The following SNX8 variants were observed in gnomAD, a reference collection of about 807,000 sequenced individuals.
The protein encoded by SNX8 is sorting nexin 8, also known as sorting nexin-8.
In SNX8, 25 loss-of-function variants were observed where a neutral mutation model predicts 51.6. That is an observed-to-expected ratio of 0.48 (90% CI 0.35 to 0.68). SNX8 has a LOEUF of 0.68. Among genes scored for constraint, SNX8 ranks in the 30% least tolerant of loss-of-function variants. The pLI, the probability that SNX8 is intolerant of heterozygous loss-of-function variation, is 0.00. For synonymous variants in SNX8, 324 were observed against 277.0 expected, an observed-to-expected ratio of 1.17 and a Z score of -1.68; for missense variants, 695 against 624.0, an observed-to-expected ratio of 1.11 and a Z score of -1.21.
At chr7:2,335,284 T>G (rs1209071244) in intron 1 of SNX8, among the ~76,000 whole-genome samples, 1 of 152,114 alleles carries the variant, frequency 6.6e-6, no homozygotes, top group Non-Finnish European at 1.5e-5. Context: ...TGTTCTATGC[T>G]CATACAATGG....
intron 1 of SNX8, among the ~76,000 whole-genome samples, chr7:2,288,691 C>T (rs573928042): frequency 1.6e-4 from 24 of 152,248 alleles, no homozygotes; most frequent in Non-Finnish European, 2.5e-4. Flanking sequence ...CAAGAGTAAC[C>T]ACTGACTTCT....
At chr7:2,306,303 T>A (rs1055147772) in intron 1 of SNX8, among the ~76,000 whole-genome samples, 1 of 149,672 alleles carries the variant, frequency 6.7e-6, no homozygotes, top group Admixed American at 6.6e-5. Context: ...AATTTTTGTA[T>A]TTTTTTTTAG....
intron 6 of SNX8, 43 bp downstream of exon 6, chr7:2,264,255 G>A (rs201020413): frequency 6.4e-6 from 10 of 1,573,228 alleles, no homozygotes; most frequent in South Asian, 5.6e-5. Flanking sequence ...ATGGATTCCC[G>A]TCCCACCGCG....
intron 1 of SNX8, among the ~76,000 whole-genome samples, chr7:2,349,465 G>C (rs1327116705): frequency 6.7e-6 from 1 of 148,412 alleles, no homozygotes. Context: ...TTTTGAGACA[G>C]TTTATCACTC....
chr7:2,285,562 G>C (rs1340304465), intron 1 of SNX8, among the ~76,000 whole-genome samples: 2 of 152,164 alleles, frequency 1.3e-5, no homozygotes, highest in Non-Finnish European at 2.9e-5. Context: ...TGGAGAAATA[G>C]AGATGCTTCT....
intron 1 of SNX8, chr7:2,307,680 G>C: frequency 6.9e-6 from 1 of 144,464 alleles, no homozygotes; most frequent in Non-Finnish European, 1.5e-5. Flanking sequence ...CAATGCTGGA[G>C]ACCGACAGCC....
intron 1 of SNX8, among the ~76,000 whole-genome samples, chr7:2,303,021 C>T (rs1796441817): frequency 6.6e-6 from 1 of 151,340 alleles, no homozygotes. Context: ...GGGGGTCAGC[C>T]CCCGCCAGGC....
chr7:2,326,982 A>T (rs1778632845), intron 1 of SNX8, among the ~76,000 whole-genome samples: 2 of 152,114 alleles, frequency 1.3e-5, no homozygotes, highest in African/African-American at 4.8e-5. Flanking sequence ...AAATATTACG[A>T]ACTTGGTGGC....
intron 1 of SNX8, among the ~76,000 whole-genome samples, chr7:2,322,334 G>C (rs986375464): frequency 2.4e-4 from 36 of 152,196 alleles, no homozygotes; most frequent in Middle Eastern, 3.4e-3. Context: ...GGAGGTGGAA[G>C]CTACAGTGAG....
chr7:2,320,705 C>T (rs926048817), intron 1 of SNX8, among the ~76,000 whole-genome samples: 1 of 152,010 alleles, frequency 6.6e-6, no homozygotes, highest in East Asian at 1.9e-4. Flanking sequence ...GTCTGGATGA[C>T]AGAGTGAGGC....
chr7:2,264,229 C>A, intron 6 of SNX8, 69 bp downstream of exon 6: 2 of 1,482,772 alleles, frequency 1.3e-6, no homozygotes, highest in East Asian at 2.3e-5. Context: ...ACTTTCCGCC[C>A]AAGCCCTTCA....
At chr7:2,266,349 T>TC (rs1418179866) in intron 5 of SNX8, among the ~76,000 whole-genome samples, 4 of 71,766 alleles carry the variant, frequency 5.6e-5, no homozygotes, top group Non-Finnish European at 1.4e-4. Flanking sequence ...CAAGCCTGGC[T>TC]AATTTTTTTT....
At chr7:2,260,998 C>G (rs562491432) in intron 7 of SNX8, among the ~76,000 whole-genome samples, 7 of 152,340 alleles carry the variant, frequency 4.6e-5, no homozygotes, top group African/African-American at 1.4e-4. Flanking sequence ...CTCTGCAGAG[C>G]CCCAGGGCAC....
chr7:2,313,072 T>G (rs1796689969), intron 1 of SNX8, among the ~76,000 whole-genome samples: 1 of 151,944 alleles, frequency 6.6e-6, no homozygotes, highest in Non-Finnish European at 1.5e-5. Context: ...TAATTTTTTT[T>G]GTATTTTTAG....
chr7:2,316,055 TCATCTACC>T (rs1796750430), upstream of SNX8, among the ~76,000 whole-genome samples: 1 of 149,184 alleles, frequency 6.7e-6, no homozygotes, highest in Non-Finnish European at 1.5e-5. Context: ...CTGCATTCAT[TCATCTACC>T]CACCCACTCA....
At position 2,319,963 on chromosome 7, in the gene SNX8, G is replaced by C. The variant is rs148558700; in HGVS notation, c.-66+34259C>G. On this transcript the variant is annotated intron_variant, in intron 1 of 5. Transcript: ENST00000435336. ...CCACTGCACTCCAGCCTGGGCAACA[G>C]AAGGAGACTACATCTCAAAACAAAC... Among the ~76,000 whole-genome samples, 821 of 152,290 alleles carry C rather than the reference G, an allele frequency of 5.4e-3. 9 individuals carry two copies. The highest frequency in any genetic ancestry group is 0.017 in the African/African-American group (707 of 41,572).
chr7:2,304,035 C>A (rs550917452), intron 1 of SNX8, among the ~76,000 whole-genome samples: 2 of 150,714 alleles, frequency 1.3e-5, no homozygotes, highest in South Asian at 4.2e-4. Flanking sequence ...GGCGTGGTGG[C>A]GGGCGCCTGT....
intron 3 of SNX8, chr7:2,274,868 C>T: frequency 1.9e-6 from 1 of 515,576 alleles, no homozygotes; most frequent in Non-Finnish European, 3.5e-6. Flanking sequence ...CAAGGGCTTC[C>T]CCACCTGTCA....
intron 7 of SNX8, among the ~76,000 whole-genome samples, chr7:2,258,136 G>A (rs552081496): frequency 6.7e-6 from 1 of 149,998 alleles, no homozygotes; most frequent in East Asian, 2.0e-4. Flanking sequence ...TCAGCCTCCC[G>A]AGTAGCTGGG....
Sources: allele counts gnomAD v4.1 joint callset (sites outside exome capture counted in the v4.1 genomes callset), GRCh38; gene constraint gnomAD v4.1.1; transcripts MANE v1.5; gene names NCBI Gene and HGNC (gene_info 2026-07-23, HGNC 2026-07-21).